Variants in COG7 observed in about 807,000 individuals in gnomAD.
COG7 encodes the protein component of oligomeric golgi complex 7.
Under a neutral mutation model 91.5 loss-of-function variants are expected in COG7, and 49 were observed. The ratio of observed to expected loss-of-function variants is 0.54; its 90% CI spans 0.43 to 0.68. COG7 has a LOEUF of 0.68. COG7 is among the 30% of genes least tolerant of loss of function. The pLI, the probability that COG7 is intolerant of heterozygous loss-of-function variation, is 0.00. For synonymous variants in COG7, 365 were observed against 388.7 expected, an observed-to-expected ratio of 0.94 and a Z score of 0.72; for missense variants, 895 against 961.3, an observed-to-expected ratio of 0.93 and a Z score of 0.91.
chr16:23,437,885 G>A (rs1032466670), intron 4 of COG7, among the ~76,000 whole-genome samples: 3 of 151,926 alleles, frequency 2.0e-5, no homozygotes, highest in Admixed American at 1.3e-4. Flanking sequence ...AAGAGATTGA[G>A]ACCATCCTGG....
intron 6 of COG7, among the ~76,000 whole-genome samples, chr16:23,432,371 AC>A (rs1326832962): frequency 6.6e-6 from 1 of 152,106 alleles, no homozygotes; most frequent in Non-Finnish European, 1.5e-5. Context: ...GTGACACTAA[AC>A]CACTCGTAGA....
intron 1 of COG7, among the ~76,000 whole-genome samples, chr16:23,449,541 C>G (rs1037154876): frequency 6.6e-6 from 1 of 151,136 alleles, no homozygotes; most frequent in South Asian, 2.1e-4. Flanking sequence ...GTTGGGAGCT[C>G]GAGACCAGCC....
chr16:23,409,536 C>T (rs1963529086), intron 11 of COG7, among the ~76,000 whole-genome samples: 1 of 152,196 alleles, frequency 6.6e-6, no homozygotes, highest in Admixed American at 6.5e-5. Flanking sequence ...AATAAAGAAT[C>T]ACCTAAGAAG....
chr16:23,410,210 C>A, intron 11 of COG7, 85 bp downstream of exon 11: 1 of 1,054,186 alleles, frequency 9.5e-7, no homozygotes, highest in Admixed American at 1.8e-5. Flanking sequence ...CTGGCATATG[C>A]TGTCCTTGCT....
chr16:23,423,925 G>A (rs535314684), intron 7 of COG7, among the ~76,000 whole-genome samples: 9 of 152,154 alleles, frequency 5.9e-5, no homozygotes, highest in African/African-American at 9.7e-5. Flanking sequence ...GTCGGCCACC[G>A]GGGAAAGCCC....
At position 23,445,842 on chromosome 16, in the gene COG7, A is replaced by T. The variant is rs751611418; in HGVS notation, c.289T>A (p.Phe97Ile). 3 of 1,613,874 alleles carry T rather than the reference A, an allele frequency of 1.9e-6. No homozygotes were observed. In the African/African-American group the frequency reaches 4.0e-5, roughly 22 times the overall value. ...ATGGATTGAGATGTGTCCTGTTCAA[A>T]TTTTTTAATGTCCTCCTTGACAAGA... is the stretch of plus-strand genomic sequence containing the variant. The part of the protein sequence containing the change: ...MILVKEDIKK[F>I]EQDTSQSMQV... Residue 97 changes from phenylalanine to isoleucine, a missense_variant, in exon 2 of 17, where the codon TTT (phenylalanine) becomes ATT (isoleucine). Transcript: ENST00000307149.
chr16:23,439,504 T>C (rs972348021), intron 4 of COG7, among the ~76,000 whole-genome samples: 12 of 152,152 alleles, frequency 7.9e-5, no homozygotes, highest in Non-Finnish European at 1.6e-4. Flanking sequence ...AATGTGGTAA[T>C]ATATGAGATG....
In COG7 at chr16:23,432,037, C is replaced by T. The variant is rs550353831; in HGVS notation, c.810+1508G>A. On this transcript the variant is annotated intron_variant, in intron 6 of 16. Coordinates refer to ENST00000307149, the MANE Select transcript of COG7 (RefSeq NM_153603.4). Reference sequence around the variant, plus strand: ...TGGCACATACGTGTATTCCTAGCTACTTGAAAGGCTCAGGCAGGAGGACAG... The same window carrying T: ...TGGCACATACGTGTATTCCTAGCTATTTGAAAGGCTCAGGCAGGAGGACAG... Among the ~76,000 whole-genome samples, 3 of 152,024 alleles carry T rather than the reference C, an allele frequency of 2.0e-5. No homozygotes were observed. The East Asian group carries it at 5.8e-4, about 29-fold the overall frequency.
intron 16 of COG7, among the ~76,000 whole-genome samples, chr16:23,389,375 G>A (rs71379809): frequency 0.011 from 1,589 of 150,634 alleles, 16 homozygotes; most frequent in South Asian, 0.019. Context: ...GCACACACAC[G>A]CACACACACT....
chr16:23,405,718 T>C (rs889000963), intron 12 of COG7, among the ~76,000 whole-genome samples: 2 of 152,016 alleles, frequency 1.3e-5, no homozygotes, highest in Non-Finnish European at 2.9e-5. Flanking sequence ...GGTTTCACCA[T>C]GTTGGCCAGA....
chr16:23,437,693 C>T (rs1472046717), intron 4 of COG7, among the ~76,000 whole-genome samples: 5 of 152,154 alleles, frequency 3.3e-5, no homozygotes, highest in Non-Finnish European at 7.3e-5. Flanking sequence ...GAATACCAGG[C>T]CCAGAACAAA....
chr16:23,410,299 T>G lies in COG7; in HGVS notation c.1471A>C (p.Asn491His). 6.2e-7 allele frequency: 1 copy of G among 1,613,946 alleles called. No individual in the cohort carries two copies. The highest frequency in any genetic ancestry group is 1.1e-5 in the South Asian group (1 of 91,010). ...HCGDFEQQLA[N>H]RILSTAGKYL... ...ACAATGACTCCTCTCTCCTACCTGT[T>G]GGCTAGCTGCTGCTCGAAGTCCCCA... The change falls in exon 11 of 17, where the codon AAC becomes CAC. Residue 491 changes from asparagine (N) to histidine (H), a missense_variant. Physicochemically the swap from Asn to His is moderately conservative, Grantham distance 68. Transcript: ENST00000307149.
chr16:23,391,165 C>T (rs1963189417), intron 16 of COG7, among the ~76,000 whole-genome samples: 1 of 152,180 alleles, frequency 6.6e-6, no homozygotes, highest in Non-Finnish European at 1.5e-5. Flanking sequence ...GTCTCTATCT[C>T]CTAGAACTAC....
At chr16:23,435,512 T>G (rs1378243776) in intron 4 of COG7, among the ~76,000 whole-genome samples, 1 of 152,204 alleles carries the variant, frequency 6.6e-6, no homozygotes. Context: ...GCAGAGGAAA[T>G]GACTGGGCAA....
chr16:23,440,986 T>C (rs1042086327), intron 4 of COG7, among the ~76,000 whole-genome samples: 1 of 151,504 alleles, frequency 6.6e-6, no homozygotes, highest in African/African-American at 2.4e-5. Context: ...GAAAATATGA[T>C]ATATATGGAG....
chr16:23,418,193 C>T lies in COG7; in HGVS notation c.1137+507G>A, dbSNP rs1271666976. On this transcript the variant is annotated intron_variant, in intron 8 of 16. Transcript: ENST00000307149. ...ATTTAAGCCTCTCATTTTGTTTAAC[C>T]TTCATTGGGGATTTTAAATAGAAAA... 4.6e-5 allele frequency among the ~76,000 whole-genome samples: 7 copies of T among 152,320 alleles called. No homozygotes were observed. In the East Asian group the frequency reaches 1.2e-3, roughly 25 times the overall value.
intron 6 of COG7, among the ~76,000 whole-genome samples, chr16:23,431,157 TG>T (rs1306242558): frequency 1.3e-5 from 2 of 152,148 alleles, no homozygotes; most frequent in African/African-American, 4.8e-5. Context: ...GGTGGCTACA[TG>T]GGTATTCACT....
chr16:23,401,980 C>T (rs1411400637), intron 13 of COG7, among the ~76,000 whole-genome samples: 1 of 152,086 alleles, frequency 6.6e-6, no homozygotes, highest in Non-Finnish European at 1.5e-5. Context: ...TCACTTGAAC[C>T]CAGGCAGCAG....
intron 8 of COG7, among the ~76,000 whole-genome samples, chr16:23,417,719 C>T (rs1428636579): frequency 6.6e-6 from 1 of 152,166 alleles, no homozygotes; most frequent in Non-Finnish European, 1.5e-5. Context: ...GATTGTGCCA[C>T]TGCACTCCAA....
Sources: gnomAD v4.1 joint callset for allele counts (sites outside exome capture counted in the v4.1 genomes callset) on GRCh38, gnomAD v4.1.1 for gene constraint, MANE v1.5 for transcripts, NCBI Gene and HGNC (gene_info 2026-07-23, HGNC 2026-07-21) for gene names.